COG2: variants seen among roughly 807,000 people sequenced by gnomAD.
COG2 encodes component of oligomeric golgi complex 2, also known as conserved oligomeric Golgi complex subunit 2.
A neutral mutation model predicts 90.6 loss-of-function variants in COG2; 52 were observed. The observed-to-expected ratio is 0.57, with a 90% CI of 0.46 to 0.72. COG2 has a LOEUF of 0.72. COG2 is among the 30% of genes least tolerant of loss of function. The probability of loss-of-function intolerance (pLI) is 0.00; values close to 1 mark genes in which losing one functional copy is unlikely to be tolerated. For synonymous variants in COG2, 337 were observed against 320.4 expected (o/e 1.05, Z -0.55); for missense variants, 829 against 891.2 (o/e 0.93, Z 0.89).
At chr1:230,646,266 A>G (rs1661774280) in intron 1 of COG2, among the ~76,000 whole-genome samples, 1 of 152,062 alleles carries the variant, frequency 6.6e-6, no homozygotes, top group African/African-American at 2.4e-5. Context: ...TGGCCCCATC[A>G]TTCCACTAAA....
At chr1:230,686,144 A>C (rs1662879466) in intron 12 of COG2, among the ~76,000 whole-genome samples, 1 of 152,182 alleles carries the variant, frequency 6.6e-6, no homozygotes, top group South Asian at 2.1e-4. Context: ...AGAATGGGAA[A>C]ACAGCTTCTA....
At chr1:230,648,129 A>C (rs746675513) in intron 1 of COG2, among the ~76,000 whole-genome samples, 5 of 152,266 alleles carry the variant, frequency 3.3e-5, no homozygotes, top group Non-Finnish European at 5.9e-5. Flanking sequence ...AGAACAGCCC[A>C]AAAATGTCAC....
chr1:230,642,510 G>C lies in COG2; in HGVS notation c.-97G>C. ...TGGCGGAAGCGGACCCCCCTGTGCC[G>C]TGGAAACTGGCGGTGGCCGCGGCCG... On this transcript the variant is annotated 5_prime_UTR_variant, in exon 1 of 18. Coordinates refer to ENST00000366669, the MANE Select transcript of COG2 (RefSeq NM_007357.3). The C allele has an allele frequency of 8.0e-7, 1 of 1,253,710 alleles. No homozygotes were observed. The allele number at this position is 1,253,710 out of a possible 1,614,324, so 77.7% of individuals were successfully genotyped here.
At chr1:230,666,790 T>G (rs1662332053) in intron 5 of COG2, among the ~76,000 whole-genome samples, 1 of 152,156 alleles carries the variant, frequency 6.6e-6, no homozygotes, top group Admixed American at 6.5e-5. Flanking sequence ...ATGCTTAAAG[T>G]ATAGAAAGTT....
At chr1:230,690,486 G>C (rs1212281900) in intron 16 of COG2, among the ~76,000 whole-genome samples, 5 of 152,222 alleles carry the variant, frequency 3.3e-5, no homozygotes, top group African/African-American at 1.2e-4. Flanking sequence ...TCGTTACTCA[G>C]ACCCTGTCAG....
intron 8 of COG2, among the ~76,000 whole-genome samples, chr1:230,674,007 T>A (rs1253569709): frequency 2.0e-5 from 3 of 152,216 alleles, no homozygotes; most frequent in Non-Finnish European, 2.9e-5. Context: ...TTTATTAAAT[T>A]GTTTGCCATT....
intron 13 of COG2, 148 bp downstream of exon 13, chr1:230,687,280 C>T: frequency 3.5e-6 from 2 of 573,978 alleles, no homozygotes. Context: ...TCACTCACCT[C>T]CCTTTCTAGG....
At position 230,669,490 on chromosome 1, in the gene COG2, G is replaced by C. The variant is rs527808626; in HGVS notation, c.729G>C (p.Ala243=). Residue 243 remains alanine, a synonymous_variant, in exon 7 of 18, where the codon GCG becomes GCC. Transcript: ENST00000366669. The part of the protein sequence containing the change: ...TYATIDKTRD[A]EALVGQVLVK... ...CCACGATTGACAAGACACGGGACGC[G>C]GAGGCCTTAGTTGGCCAAGTACTAG... is the stretch of plus-strand genomic sequence containing the variant. The C allele has an allele frequency of 6.2e-7, 1 of 1,614,008 alleles. No individual in the cohort carries two copies. The highest frequency in any genetic ancestry group is 1.3e-5 in the African/African-American group (1 of 75,028).
chr1:230,692,149 A>G lies in COG2; in HGVS notation c.2115+585A>G, dbSNP rs144186936. Reference sequence around the variant, plus strand: ...GGTGAAAATGAAATTTCACCATAAAATGAAATTTTATGATACTGTGAGGAC... The same window carrying G: ...GGTGAAAATGAAATTTCACCATAAAGTGAAATTTTATGATACTGTGAGGAC... On this transcript the variant is annotated intron_variant, in intron 17 of 17. Transcript: ENST00000366669. Among the ~76,000 whole-genome samples the G allele has an allele frequency of 2.7e-3, 417 of 152,162 alleles. 2 individuals are homozygous for G. Among genetic ancestry groups the G allele is most frequent in the Middle Eastern group, 0.01 (3 of 294 alleles).
intron 9 of COG2, among the ~76,000 whole-genome samples, chr1:230,675,967 C>T (rs918400602): frequency 1.3e-5 from 2 of 152,018 alleles, no homozygotes; most frequent in Non-Finnish European, 2.9e-5. Flanking sequence ...CCCTGCTTCC[C>T]CCGCCCTCTT....
rs370647410 is a variant in COG2, at chr1:230,669,423, C to T, written c.662C>T (p.Thr221Met). The T allele has an allele frequency of 2.9e-5, 47 of 1,613,940 alleles. No individual in the cohort carries two copies. Among genetic ancestry groups the T allele is most frequent in the Non-Finnish European group, 3.4e-5 (40 of 1,179,964 alleles). ...GGTCTCCTATTAGAAGGCCTTCAGA[C>T]GTCTGACGTCGATATAATACGGCAC... ...LEGLLLEGLQ[T>M]SDVDIIRHCL... The change falls in exon 7 of 18, where the codon ACG becomes ATG. Residue 221 changes from threonine (T) to methionine (M), a missense_variant. Transcript: ENST00000366669.
chr1:230,649,470 A>G (rs1436568310), intron 1 of COG2, among the ~76,000 whole-genome samples: 1 of 152,036 alleles, frequency 6.6e-6, no homozygotes, highest in Non-Finnish European at 1.5e-5. Flanking sequence ...CTCAGATACC[A>G]CTTTGTAAGG....
intron 4 of COG2, 122 bp downstream of exon 4, chr1:230,663,343 T>G: frequency 2.3e-6 from 1 of 428,840 alleles, no homozygotes; most frequent in Non-Finnish European, 4.1e-6. Flanking sequence ...GAGTGTGATG[T>G]GTCTCTTTTA....
At chr1:230,691,238 AACTT>A (rs1663018257) in intron 16 of COG2, 142 bp from the exon 17 acceptor site, 4 of 581,324 alleles carry the variant, frequency 6.9e-6, no homozygotes, top group Non-Finnish European at 1.2e-5. Context: ...GATCTTAAGA[AACTT>A]AAATACTTAC....
At chr1:230,653,588 A>G (rs1558268292) in intron 1 of COG2, among the ~76,000 whole-genome samples, 1 of 151,956 alleles carries the variant, frequency 6.6e-6, no homozygotes, top group Non-Finnish European at 1.5e-5. Flanking sequence ...AATCAATTCT[A>G]CTAGCCAGAG....
At chr1:230,688,622 A>G in intron 15 of COG2, 60 bp downstream of exon 15, 2 of 1,578,626 alleles carry the variant, frequency 1.3e-6, no homozygotes, top group Non-Finnish European at 8.7e-7. Flanking sequence ...GGAAAGCCAA[A>G]GAGGAAGGAA....
chr1:230,670,237 G>T (rs550211810), intron 7 of COG2: 2 of 152,294 alleles, frequency 1.3e-5, no homozygotes, highest in South Asian at 4.2e-4. Context: ...TAAAGTTGCT[G>T]ATATTCAACA....
chr1:230,683,441 T>G, intron 10 of COG2, 133 bp from the exon 11 acceptor site: 1 of 507,000 alleles, frequency 2.0e-6, no homozygotes, highest in Non-Finnish European at 3.5e-6. Context: ...CCTGGGAGAA[T>G]AGGCATTCCG....
chr1:230,676,137 A>C (rs939140441), intron 9 of COG2, among the ~76,000 whole-genome samples: 1 of 152,130 alleles, frequency 6.6e-6, no homozygotes, highest in African/African-American at 2.4e-5. Context: ...GCAGTGAGAT[A>C]ATCTTTGTCT....
Sources: allele counts gnomAD v4.1 joint callset (sites outside exome capture counted in the v4.1 genomes callset), GRCh38; gene constraint gnomAD v4.1.1; transcripts MANE v1.5; gene names NCBI Gene and HGNC (gene_info 2026-07-23, HGNC 2026-07-21).